The following YAP1 variants were observed in gnomAD, a reference collection of about 807,000 sequenced individuals.
The protein encoded by YAP1 is Yes1 associated transcriptional regulator, also known as transcriptional coactivator YAP1.
In YAP1, 5 loss-of-function variants were observed where a neutral mutation model predicts 56.9. The ratio of observed to expected loss-of-function variants is 0.09; its 90% CI spans 0.05 to 0.18. YAP1 has a LOEUF of 0.18. Among genes scored for constraint, YAP1 ranks in the 10% least tolerant of loss-of-function variants. The pLI is 1.00. For synonymous variants in YAP1, 265 were observed against 248.1 expected (o/e 1.07, Z -0.64); for missense variants, 539 against 651.8 (o/e 0.83, Z 1.88).
At chr11:102,216,535 C>G (rs1454150272) in intron 6 of YAP1, among the ~76,000 whole-genome samples, 1 of 152,084 alleles carries the variant, frequency 6.6e-6, no homozygotes, top group Non-Finnish European at 1.5e-5. Flanking sequence ...TGAATATCAA[C>G]ATTATTTCAT....
intron 3 of YAP1, among the ~76,000 whole-genome samples, chr11:102,171,977 G>A (rs989457824): frequency 1.3e-5 from 2 of 152,076 alleles, no homozygotes; most frequent in Non-Finnish European, 2.9e-5. Context: ...ATCACCTGAG[G>A]TTAGGAGTTC....
chr11:102,201,467 C>CAT (rs1948856036), intron 4 of YAP1, among the ~76,000 whole-genome samples: 1 of 152,100 alleles, frequency 6.6e-6, no homozygotes, highest in Non-Finnish European at 1.5e-5. Context: ...GACAGAATGT[C>CAT]ATAAGTACAC....
chr11:102,141,368 G>GC (rs1380743972), intron 2 of YAP1, among the ~76,000 whole-genome samples: 1 of 152,218 alleles, frequency 6.6e-6, no homozygotes, highest in Admixed American at 6.5e-5. Context: ...TCTTTATAAA[G>GC]CTTCAGCACC....
At chr11:102,188,977 A>G (rs189224621) in intron 4 of YAP1, among the ~76,000 whole-genome samples, 1 of 152,148 alleles carries the variant, frequency 6.6e-6, no homozygotes, top group East Asian at 1.9e-4. Context: ...TAGAGAATTC[A>G]TTAGTAATTT....
chr11:102,112,390 G>T (rs1216729411), intron 1 of YAP1: 4 of 976,126 alleles, frequency 4.1e-6, no homozygotes, highest in African/African-American at 1.8e-5. Context: ...TTTTGTGTAG[G>T]GTTCTCTCTT....
chr11:102,195,680 G>T (rs1048296164), intron 4 of YAP1, among the ~76,000 whole-genome samples: 1 of 152,196 alleles, frequency 6.6e-6, no homozygotes, highest in South Asian at 2.1e-4. Flanking sequence ...CTGCTGCCAT[G>T]TGAAGGAGTA....
At chr11:102,228,634 CAAAAA>C (rs71059544) in intron 8 of YAP1, among the ~76,000 whole-genome samples, 2,046 of 31,426 alleles carry the variant, frequency 0.065, 14 homozygotes, top group Middle Eastern at 0.11. Context: ...GACTCCGTCT[CAAAAA>C]AAAAAAAAAA....
At chr11:102,112,033 C>A (rs1942960974) in intron 1 of YAP1, among the ~76,000 whole-genome samples, 1 of 152,206 alleles carries the variant, frequency 6.6e-6, no homozygotes, top group African/African-American at 2.4e-5. Flanking sequence ...CAGTTGTAGA[C>A]TATTATTTAC....
At chr11:102,133,278 A>C (rs963267768) in intron 2 of YAP1, among the ~76,000 whole-genome samples, 2 of 152,224 alleles carry the variant, frequency 1.3e-5, no homozygotes, top group African/African-American at 2.4e-5. Context: ...TTTATTAATA[A>C]AACTCTTGTG....
intron 2 of YAP1, among the ~76,000 whole-genome samples, chr11:102,137,952 A>G (rs1944780656): frequency 6.6e-6 from 1 of 151,534 alleles, no homozygotes; most frequent in African/African-American, 2.4e-5. Context: ...TTGTGGTGCT[A>G]TCTCAGCTCA....
chr11:102,209,570 CTCT>C lies in YAP1; in HGVS notation c.1032+8_1032+10del. On this transcript the variant is annotated splice_region_variant and intron_variant, in intron 6 of 8. Transcript: ENST00000282441. The stretch of plus-strand genomic sequence containing the variant: ...CAAATTCTCCAAAATGTCAGGTAGG[CTCT>C]TATCTGATGTTTTAGCACTGGAAAA... The C allele has an allele frequency of 6.3e-7, 1 of 1,576,620 alleles. No individual in the cohort carries two copies. The highest frequency in any genetic ancestry group is 8.6e-7 in the Non-Finnish European group (1 of 1,166,686).
intron 3 of YAP1, among the ~76,000 whole-genome samples, chr11:102,165,718 A>G (rs976755048): frequency 2.6e-5 from 4 of 152,208 alleles, no homozygotes; most frequent in African/African-American, 7.2e-5. Flanking sequence ...TCCATTTTGC[A>G]CTGTCTCATT....
At chr11:102,127,507 G>A (rs1243310893) in intron 2 of YAP1, among the ~76,000 whole-genome samples, 1 of 152,202 alleles carries the variant, frequency 6.6e-6, no homozygotes, top group Non-Finnish European at 1.5e-5. Context: ...TTCAGGTTTG[G>A]GAACCTCTGC....
chr11:102,176,879 T>G (rs1293999124), intron 3 of YAP1, among the ~76,000 whole-genome samples: 1 of 150,768 alleles, frequency 6.6e-6, no homozygotes, highest in African/African-American at 2.4e-5. Flanking sequence ...ATGACACTTC[T>G]GGGTACTGGA....
chr11:102,115,196 G>A (rs950098032), intron 2 of YAP1, among the ~76,000 whole-genome samples: 1 of 151,846 alleles, frequency 6.6e-6, no homozygotes, highest in African/African-American at 2.4e-5. Flanking sequence ...ATTTTTTTCT[G>A]GCTTGTTTGG....
rs1950430794 is a variant in YAP1, at chr11:102,231,399, G to A, written c.*1459G>A. 6.6e-6 allele frequency: 1 copy of A among 152,324 alleles called. No individual in the cohort carries two copies. The highest frequency in any genetic ancestry group is 2.1e-4 in the South Asian group (1 of 4,824). The allele number at this position is 152,324 out of a possible 1,614,324, so 9.4% of individuals were successfully genotyped here. A position where few individuals can be genotyped will look rare whatever the true frequency, so the allele number is the denominator to read the frequency against. ...CCTTCAAGATTGTTCTTACTTACAA[G>A]ACTTGCTCCTACTTCTATGCTGAAA... On this transcript the variant is annotated 3_prime_UTR_variant, in exon 9 of 9. Transcript: ENST00000282441.
chr11:102,191,043 C>T (rs1178228275), intron 4 of YAP1, among the ~76,000 whole-genome samples: 2 of 151,694 alleles, frequency 1.3e-5, no homozygotes, highest in Admixed American at 6.6e-5. Context: ...GCTGGTGGCA[C>T]GCACCTATAG....
In YAP1 at chr11:102,223,107, G is replaced by A. The variant is rs113042824; in HGVS notation, c.1033-515G>A. On this transcript the variant is annotated intron_variant, in intron 6 of 8. Transcript: ENST00000282441. ...AAAAAAAATACAAAAAATTAGCTGG[G>A]CGTGGTGGTGCGTGCCTGTAGTCCC... Among the ~76,000 whole-genome samples, 487 of 151,882 alleles carry A rather than the reference G, an allele frequency of 3.2e-3. 1 individual carries two copies. Among genetic ancestry groups the A allele is most frequent in the Non-Finnish European group, 5.6e-3 (381 of 67,938 alleles).
chr11:102,151,709 G>T lies in YAP1; in HGVS notation c.573-10747G>T, dbSNP rs548780007. ...CAGTAAGTGCTTTAGACAAACTGTA[G>T]CTCAGATAATATTGTTTGGCTTAGG... On this transcript the variant is annotated intron_variant, in intron 2 of 8. Coordinates refer to ENST00000282441, the MANE Select transcript of YAP1 (RefSeq NM_001130145.3). Among the ~76,000 whole-genome samples the T allele has an allele frequency of 1.3e-4, 20 of 152,282 alleles. No homozygotes were observed. In the South Asian group the frequency reaches 4.1e-3, roughly 32 times the overall value.
Sources: gnomAD v4.1 joint callset for allele counts (sites outside exome capture counted in the v4.1 genomes callset) on GRCh38, gnomAD v4.1.1 for gene constraint, MANE v1.5 for transcripts, NCBI Gene and HGNC (gene_info 2026-07-23, HGNC 2026-07-21) for gene names.